The following PLK1 variants were observed in gnomAD, a reference collection of about 807,000 sequenced individuals.
The protein encoded by PLK1 is serine/threonine-protein kinase PLK1.
A neutral mutation model predicts 56.7 loss-of-function variants in PLK1; 6 were observed. The ratio of observed to expected loss-of-function variants is 0.11; its 90% CI spans 0.06 to 0.21. The LOEUF is 0.21. PLK1 is among the 10% of genes least tolerant of loss of function. The pLI, the probability that PLK1 is intolerant of heterozygous loss-of-function variation, is 1.00. For missense variants in PLK1, 546 were observed against 814.4 expected (o/e 0.67, Z 4.01); for synonymous variants, 298 against 325.0 (o/e 0.92, Z 0.89).
rs761844570 is a variant in PLK1, at chr16:23,681,078, T to C, written c.722+20T>C. 1.1e-5 allele frequency: 17 copies of C among 1,609,886 alleles called. No individual in the cohort carries two copies. Among genetic ancestry groups the C allele is most frequent in the South Asian group, 6.7e-5 (6 of 90,178 alleles). The stretch of plus-strand genomic sequence containing the variant: ...TATCATGTAAGTTGGGAGTTGTCTC[T>C]GGACCAACCTGGTCTCAGCAGGGGC... On this transcript the variant is annotated intron_variant, in intron 3 of 9. Transcript: ENST00000300093.
rs770483615 is a variant in PLK1 at position 23,679,354 on chromosome 16, C to T, written c.408+14C>T. ...TGCCGCCGGAGGGTGAGTGTCGCTGCTGGGGAACTGGAACTGCCTGCGGGG... is the reference window on the plus strand; with the variant it reads ...TGCCGCCGGAGGGTGAGTGTCGCTGTTGGGGAACTGGAACTGCCTGCGGGG... On this transcript the variant is annotated intron_variant, in intron 1 of 9. Transcript: ENST00000300093. 1.9e-6 allele frequency: 3 copies of T among 1,602,604 alleles called. No individual in the cohort carries two copies. Among genetic ancestry groups the T allele is most frequent in the South Asian group, 2.2e-5 (2 of 89,182 alleles).
chr16:23,679,003 G>C lies in PLK1; in HGVS notation c.71G>C (p.Gly24Ala). The change falls in exon 1 of 10, where the codon GGA (glycine) becomes GCA (alanine). Residue 24 changes from glycine (G) to alanine (A), a missense_variant. Physicochemically the swap from Gly to Ala is moderately conservative, Grantham distance 60. This residue lies in a region of PLK1 where 72 missense variants were observed against 63.7 expected (regional missense o/e 1.13). Transcript: ENST00000300093. ...PADPGKAGVP[G>A]VAAPGAPAAA... ...GACCCTGGGAAAGCCGGGGTCCCCG[G>C]AGTTGCAGCTCCCGGAGCTCCGGCG... 2 of 1,606,170 alleles carry C rather than the reference G, an allele frequency of 1.2e-6. No homozygotes were observed. Among genetic ancestry groups the C allele is most frequent in the Non-Finnish European group, 1.7e-6 (2 of 1,176,900 alleles).
chr16:23,678,975 G>A lies in PLK1; in HGVS notation c.43G>A (p.Ala15Thr), dbSNP rs753468980. The A allele has an allele frequency of 5.7e-6, 9 of 1,588,716 alleles. No homozygotes were observed. Among genetic ancestry groups the A allele is most frequent in the Admixed American group, 1.8e-5 (1 of 56,898 alleles). ...TGCAGGGAAGCTGGCACGGGCACCGGCCGACCCTGGGAAAGCCGGGGTCCC... is the reference window on the plus strand; with the variant it reads ...TGCAGGGAAGCTGGCACGGGCACCGACCGACCCTGGGAAAGCCGGGGTCCC... ...VTAGKLARAPADPGKAGVPGV... is the reference protein window; with the variant it reads ...VTAGKLARAPTDPGKAGVPGV... Residue 15 changes from alanine (A) to threonine (T), a missense_variant, in exon 1 of 10, where the codon GCC becomes ACC. Coordinates refer to ENST00000300093, the MANE Select transcript of PLK1 (RefSeq NM_005030.6).
Position 23,689,707 on chromosome 16 carries a change from A to T in PLK1, c.1608+31A>T. 6.3e-7 allele frequency: 1 copy of T among 1,581,442 alleles called. No homozygotes were observed. The highest frequency in any genetic ancestry group is 1.1e-5 in the South Asian group (1 of 89,042). On this transcript the variant is annotated intron_variant, in intron 9 of 9. Coordinates refer to ENST00000300093, the MANE Select transcript of PLK1 (RefSeq NM_005030.6). The surrounding 1 kb of genome is among the most constrained non-coding windows in gnomAD (Gnocchi z 4.8). ...CTGGAGGTCACCAGGCGCAGGAGAG[A>T]GCTGGGGTAGGCTCCGCATGCCTGG... is the stretch of plus-strand genomic sequence containing the variant.
At chr16:23,688,253 T>C (rs1402381913) in intron 6 of PLK1, among the ~76,000 whole-genome samples, 1 of 152,252 alleles carries the variant, frequency 6.6e-6, no homozygotes, top group East Asian at 1.9e-4. Flanking sequence ...TGCCTCTGAC[T>C]CTTACCATGA....
At chr16:23,686,031 C>T (rs1047741992) in intron 5 of PLK1, among the ~76,000 whole-genome samples, 1 of 152,084 alleles carries the variant, frequency 6.6e-6, no homozygotes, top group East Asian at 1.9e-4. Context: ...ACTTATTTCT[C>T]TGCTTTTATT....
rs748043179 is a variant in PLK1 at position 23,679,015 on chromosome 16, C to T, written c.83C>T (p.Pro28Leu). Reference sequence around the variant, plus strand: ...GCCGGGGTCCCCGGAGTTGCAGCTCCCGGAGCTCCGGCGGCGGCTCCACCG... The same window carrying T: ...GCCGGGGTCCCCGGAGTTGCAGCTCTCGGAGCTCCGGCGGCGGCTCCACCG... ...GKAGVPGVAA[P>L]GAPAAAPPAK... The change falls in exon 1 of 10, where the codon CCC becomes CTC. Residue 28 changes from proline (P) to leucine (L), a missense_variant. By Grantham distance (98) the Pro-to-Leu change is moderately conservative. Around this residue, in one of 7 missense-constraint regions of PLK1, gnomAD observed 72 missense variants for 63.7 expected, o/e 1.13. Transcript: ENST00000300093. 15 of 1,607,768 alleles carry T rather than the reference C, an allele frequency of 9.3e-6. No homozygotes were observed. Among genetic ancestry groups the T allele is most frequent in the Non-Finnish European group, 1.3e-5 (15 of 1,177,588 alleles).
Position 23,689,217 on chromosome 16 carries a change from C to T in PLK1, c.1271-21C>T, listed in dbSNP as rs1393595396. On this transcript the variant is annotated intron_variant, in intron 7 of 9. Transcript: ENST00000300093. The surrounding 1 kb of genome is among the most constrained non-coding windows in gnomAD (Gnocchi z 4.8). ...CACTTTCTATTCCCCCTTTCTGAGACCTCTCTCCACCGATCCCTAGGGTAT... is the reference window on the plus strand; with the variant it reads ...CACTTTCTATTCCCCCTTTCTGAGATCTCTCTCCACCGATCCCTAGGGTAT... 6.3e-7 allele frequency: 1 copy of T among 1,592,356 alleles called. No individual in the cohort carries two copies. The highest frequency in any genetic ancestry group is 1.7e-5 in the Admixed American group (1 of 59,636).
intron 4 of PLK1, among the ~76,000 whole-genome samples, chr16:23,682,524 CTTTTT>C (rs375256991): frequency 7.3e-6 from 1 of 136,158 alleles, no homozygotes; most frequent in Admixed American, 7.4e-5. Context: ...TGGCCTGCAT[CTTTTT>C]TTTTTTTTTT....
chr16:23,684,093 C>T lies in PLK1; in HGVS notation c.1036+4C>T. The T allele has an allele frequency of 6.2e-7, 1 of 1,610,664 alleles. No homozygotes were observed. Among genetic ancestry groups the T allele is most frequent in the Non-Finnish European group, 8.5e-7 (1 of 1,176,894 alleles). ...CCCCTCACAGTCCTCAATAAAGGTACAACAAGGGTCTGGGTAAGAGAGCAG... is the reference window on the plus strand; with the variant it reads ...CCCCTCACAGTCCTCAATAAAGGTATAACAAGGGTCTGGGTAAGAGAGCAG... On this transcript the variant is annotated splice_donor_region_variant and intron_variant, in intron 5 of 9. Transcript: ENST00000300093.
Position 23,687,559 on chromosome 16 carries a change from A to G in PLK1, c.1127A>G (p.Asp376Gly). 6.2e-7 allele frequency: 1 copy of G among 1,605,172 alleles called. No individual in the cohort carries two copies. Among genetic ancestry groups the G allele is most frequent in the Non-Finnish European group, 8.5e-7 (1 of 1,175,018 alleles). ...GAGGTGGTCGACTGCCACCTCAGTG[A>G]CATGCTGCAGCAGCTGCACAGTGTC... ...TGEVVDCHLS[D>G]MLQQLHSVNA... is the part of the protein sequence containing the mutation. Residue 376 changes from aspartate to glycine, a missense_variant, in exon 6 of 10, where the codon GAC becomes GGC. Around this residue, in one of 7 missense-constraint regions of PLK1, gnomAD observed 157 missense variants for 184.0 expected, o/e 0.85. Coordinates refer to ENST00000300093, the MANE Select transcript of PLK1 (RefSeq NM_005030.6).
In PLK1 at chr16:23,689,195, T is replaced by A. The variant is rs1260500130; in HGVS notation, c.1271-43T>A. On this transcript the variant is annotated intron_variant, in intron 7 of 9. Coordinates refer to ENST00000300093, the MANE Select transcript of PLK1 (RefSeq NM_005030.6). This position sits in a 1 kb window ranked among gnomAD's most constrained non-coding sequence, Gnocchi z 4.8. ...CACCACGCCCGGTCCCACTCCCCAC[T>A]TTCTATTCCCCCTTTCTGAGACCTC... The A allele has an allele frequency of 3.8e-6, 6 of 1,575,756 alleles. No homozygotes were observed. In the South Asian group the frequency reaches 6.7e-5, roughly 18 times the overall value.
rs763446125 is a variant in PLK1 at position 23,689,414 on chromosome 16, G to C, written c.1425+22G>C. 3 of 1,602,710 alleles carry C rather than the reference G, an allele frequency of 1.9e-6. No homozygotes were observed. The highest frequency in any genetic ancestry group is 1.7e-5 in the Admixed American group (1 of 59,840). ...GAAGGTGAGTGCCGTCCGGCCCATGGGGGGTGGTGTTGCAGAAGTGGGACC... is the reference window on the plus strand; with the variant it reads ...GAAGGTGAGTGCCGTCCGGCCCATGCGGGGTGGTGTTGCAGAAGTGGGACC... On this transcript the variant is annotated intron_variant, in intron 8 of 9. Coordinates refer to ENST00000300093, the MANE Select transcript of PLK1 (RefSeq NM_005030.6). This position sits in a 1 kb window ranked among gnomAD's most constrained non-coding sequence, Gnocchi z 4.8.
At chr16:23,682,180 T>G (rs1396973840) in intron 4 of PLK1, 23 bp downstream of exon 4, 1 of 1,293,462 alleles carries the variant, frequency 7.7e-7, no homozygotes, top group Non-Finnish European at 1.1e-6. Context: ...GCTTTAAGTT[T>G]ACATTTATTT....
rs1959285851 is a variant in PLK1, at chr16:23,679,215, A to C, written c.283A>C (p.Arg95=). The C allele has an allele frequency of 6.2e-7, 1 of 1,614,008 alleles. No individual in the cohort carries two copies. The highest frequency in any genetic ancestry group is 8.5e-7 in the Non-Finnish European group (1 of 1,180,030). Residue 95 remains arginine, a synonymous_variant, in exon 1 of 10, where the codon AGG becomes CGG. Coordinates refer to ENST00000300093, the MANE Select transcript of PLK1 (RefSeq NM_005030.6). ...GTCTCTGCTGCTCAAGCCGCACCAG[A>C]GGGAGAAGATGTCCATGGAAATATC... The part of the protein sequence containing the change: ...PKSLLLKPHQ[R]EKMSMEISIH...
At chr16:23,687,222 A>G in intron 5 of PLK1, 1 of 296,288 alleles carries the variant, frequency 3.4e-6, no homozygotes, top group Non-Finnish European at 6.3e-6. Flanking sequence ...TGTTTGCCTG[A>G]GTGGCAGGTC....
In PLK1 at chr16:23,689,067, A is replaced by G. The variant is rs1366590516; in HGVS notation, c.1271-171A>G. ...TCAGCTAATTTTTAAAATATTTTGT[A>G]GAGATGGGGTCTCATTACGTTGCCC... is the stretch of plus-strand genomic sequence containing the variant. On this transcript the variant is annotated intron_variant, in intron 7 of 9. Transcript: ENST00000300093. The surrounding 1 kb of genome is among the most constrained non-coding windows in gnomAD (Gnocchi z 4.8). Among the ~76,000 whole-genome samples, 1 of 152,126 alleles carries G rather than the reference A, an allele frequency of 6.6e-6. No homozygotes were observed. The highest frequency in any genetic ancestry group is 1.9e-4 in the East Asian group (1 of 5,194).
Position 23,689,263 on chromosome 16 carries a change from G to C in PLK1, c.1296G>C (p.Val432=), listed in dbSNP as rs1442109201. The C allele has an allele frequency of 6.2e-7, 1 of 1,613,448 alleles. No individual in the cohort carries two copies. The highest frequency in any genetic ancestry group is 8.5e-7 in the Non-Finnish European group (1 of 1,179,638). ...GGTATCAGCTCTGTGATAACAGCGT[G>C]GGGGTGCTCTTCAATGACTCAACAC... ...GLGYQLCDNS[V]GVLFNDSTRL... The change falls in exon 8 of 10, where the codon GTG becomes GTC. Residue 432 remains valine, a synonymous_variant. Coordinates refer to ENST00000300093, the MANE Select transcript of PLK1 (RefSeq NM_005030.6). The surrounding 1 kb of genome is among the most constrained non-coding windows in gnomAD (Gnocchi z 4.8).
intron 5 of PLK1, among the ~76,000 whole-genome samples, chr16:23,684,445 A>G (rs1466305465): frequency 6.6e-6 from 1 of 152,162 alleles, no homozygotes; most frequent in Non-Finnish European, 1.5e-5. Context: ...TTTCAACTCT[A>G]GGGCTCAATT....
Sources: gnomAD v4.1 joint callset for allele counts (sites outside exome capture counted in the v4.1 genomes callset) on GRCh38, gnomAD v4.1.1 for gene constraint, gnomAD v4.1.1 regional missense constraint, Gnocchi (gnomAD v3.1) non-coding constraint, MANE v1.5 for transcripts, NCBI Gene and HGNC (gene_info 2026-07-23, HGNC 2026-07-21) for gene names.